MBP: variants seen among roughly 807,000 people sequenced by gnomAD.
The protein encoded by MBP is Golli-MBP.
MBP carries 16 observed loss-of-function variants against 35.8 expected under a neutral mutation model. The observed-to-expected ratio is 0.45, with a 90% CI of 0.30 to 0.68. MBP has a LOEUF of 0.68. MBP is among the 30% of genes least tolerant of loss of function. The probability of loss-of-function intolerance (pLI) is 0.08; values close to 1 mark genes in which losing one functional copy is unlikely to be tolerated. For missense variants in MBP, 380 were observed against 404.7 expected (o/e 0.94, Z 0.52); for synonymous variants, 143 against 159.6 (o/e 0.90, Z 0.78).
chr18:77,119,069 G>A (rs898105090), intron 1 of MBP, among the ~76,000 whole-genome samples: 1 of 152,216 alleles, frequency 6.6e-6, no homozygotes, highest in African/African-American at 2.4e-5. Flanking sequence ...GCAGCTGACA[G>A]GGGAAAGCGA....
At chr18:77,053,923 T>A (rs966466601) in intron 3 of MBP, among the ~76,000 whole-genome samples, 1 of 152,220 alleles carries the variant, frequency 6.6e-6, no homozygotes, top group Non-Finnish European at 1.5e-5. Context: ...ATAAACAACA[T>A]AATCAGGGAC....
intron 2 of MBP, among the ~76,000 whole-genome samples, chr18:77,067,430 A>G (rs925333376): frequency 6.6e-6 from 1 of 152,250 alleles, no homozygotes. Context: ...GACTGCTTGC[A>G]CAGCCCGCTA....
intron 2 of MBP, among the ~76,000 whole-genome samples, chr18:77,072,387 G>T (rs1974488446): frequency 1.3e-5 from 2 of 152,152 alleles, no homozygotes; most frequent in Admixed American, 6.5e-5. Context: ...GGGGCATCAG[G>T]ATCTGCAACA....
intron 3 of MBP, among the ~76,000 whole-genome samples, chr18:77,048,611 C>T (rs368177158): frequency 1.4e-3 from 206 of 152,126 alleles, no homozygotes; most frequent in African/African-American, 4.6e-3. Flanking sequence ...TTACAGGTGC[C>T]CGCCACCACG....
chr18:77,055,289 T>C (rs901111135), intron 3 of MBP, among the ~76,000 whole-genome samples: 3 of 152,120 alleles, frequency 2.0e-5, no homozygotes, highest in Admixed American at 6.5e-5. Context: ...TGCAAGAGTG[T>C]CCTGCCCTGG....
At chr18:77,009,220 C>T (rs1040242721) in intron 4 of MBP, among the ~76,000 whole-genome samples, 1 of 152,202 alleles carries the variant, frequency 6.6e-6, no homozygotes, top group African/African-American at 2.4e-5. Context: ...TCCTGGCTGT[C>T]CTCTTCTTTG....
At chr18:77,096,544 C>T (rs1975765217) in intron 2 of MBP, among the ~76,000 whole-genome samples, 1 of 152,216 alleles carries the variant, frequency 6.6e-6, no homozygotes, top group African/African-American at 2.4e-5. Context: ...TATGATTTTA[C>T]AGGCTCTCAG....
At chr18:77,050,918 C>T (rs470367) in intron 3 of MBP, among the ~76,000 whole-genome samples, 3,985 of 152,182 alleles carry the variant, frequency 0.026, 198 homozygotes, top group African/African-American at 0.09. Context: ...TCATCCTACC[C>T]GGGGCAAATT....
At chr18:77,090,620 C>T (rs1975471723) in intron 2 of MBP, among the ~76,000 whole-genome samples, 1 of 152,166 alleles carries the variant, frequency 6.6e-6, no homozygotes, top group African/African-American at 2.4e-5. Context: ...GTCTGATGGC[C>T]CCATGCTCTC....
intron 2 of MBP, chr18:77,097,392 C>G (rs1437610414): frequency 6.6e-6 from 1 of 152,280 alleles, no homozygotes; most frequent in African/African-American, 2.4e-5. Context: ...TATCAGTCAC[C>G]TGGGAGGATT....
intron 1 of MBP, among the ~76,000 whole-genome samples, chr18:77,122,136 G>A (rs780394087): frequency 3.3e-5 from 5 of 152,162 alleles, no homozygotes; most frequent in East Asian, 1.9e-4. Flanking sequence ...GGCAGAATCC[G>A]CCTCAGTTTA....
chr18:77,031,163 A>G (rs1381146123), intron 3 of MBP, among the ~76,000 whole-genome samples: 2 of 152,236 alleles, frequency 1.3e-5, no homozygotes, highest in African/African-American at 4.8e-5. Flanking sequence ...ACTCCACACT[A>G]AACTGAAATA....
intron 2 of MBP, among the ~76,000 whole-genome samples, chr18:77,099,388 G>A (rs1975907327): frequency 1.4e-5 from 2 of 144,304 alleles, no homozygotes; most frequent in Admixed American, 6.7e-5. Context: ...TAGAGTGTGA[G>A]GACTTCATGG....
At chr18:77,130,556 C>T (rs370267288) in intron 1 of MBP, among the ~76,000 whole-genome samples, 125 of 152,082 alleles carry the variant, frequency 8.2e-4, no homozygotes, top group African/African-American at 2.8e-3. Flanking sequence ...ACAGAGGCAG[C>T]TGCTCATCTT....
At chr18:77,120,066 AT>A (rs144112807) in intron 1 of MBP, among the ~76,000 whole-genome samples, 4,154 of 152,258 alleles carry the variant, frequency 0.027, 185 homozygotes, top group East Asian at 0.096. Flanking sequence ...AGGACCTGCA[AT>A]TTAGGAAGAG....
At chr18:77,085,261 TTGAACTGTG>T (rs1286907997) in intron 2 of MBP, among the ~76,000 whole-genome samples, 1 of 152,200 alleles carries the variant, frequency 6.6e-6, no homozygotes, top group Non-Finnish European at 1.5e-5. Context: ...TGTTTCTGTA[TTGAACTGTG>T]TCCTATAATG....
chr18:76,995,446 G>A (rs1334097638), intron 4 of MBP, among the ~76,000 whole-genome samples: 1 of 152,194 alleles, frequency 6.6e-6, no homozygotes, highest in Non-Finnish European at 1.5e-5. Context: ...TGACTATGCA[G>A]CCATGGTAAC....
intron 3 of MBP, among the ~76,000 whole-genome samples, chr18:77,058,228 G>A (rs1348703146): frequency 1.3e-5 from 2 of 152,174 alleles, no homozygotes; most frequent in Admixed American, 1.3e-4. Flanking sequence ...CCACCTCAGG[G>A]GCGGTGGGGA....
chr18:77,016,037 G>A, intron 4 of MBP: 3 of 985,306 alleles, frequency 3.0e-6, no homozygotes, highest in Non-Finnish European at 3.6e-6. Context: ...GTAAAATACT[G>A]CATCTGCAAT....
Sources: gnomAD v4.1 joint callset for allele counts (sites outside exome capture counted in the v4.1 genomes callset) on GRCh38, gnomAD v4.1.1 for gene constraint, MANE v1.5 for transcripts, NCBI Gene and HGNC (gene_info 2026-07-23, HGNC 2026-07-21) for gene names.